UBAC2: variants seen among roughly 807,000 people sequenced by gnomAD.
UBAC2 encodes the protein ubiquitin-associated domain-containing protein 2.
In UBAC2, 26 loss-of-function variants were observed where a neutral mutation model predicts 44.0. The ratio of observed to expected loss-of-function variants is 0.59; its 90% confidence interval spans 0.43 to 0.82. The LOEUF (loss-of-function observed/expected upper bound fraction) is 0.82, where lower values mean the gene tolerates loss of function less well. Ranked by LOEUF, UBAC2 falls within the 40% of genes least tolerant of loss-of-function variation. The pLI, the probability that UBAC2 is intolerant of heterozygous loss-of-function variation, is 0.00. For synonymous variants in UBAC2, 155 were observed against 154.3 expected (o/e 1.00, Z -0.04); for missense variants, 329 against 419.4 (o/e 0.78, Z 1.88).
At chr13:99,321,516 G>A (rs2044568811) in intron 6 of UBAC2, among the ~76,000 whole-genome samples, 1 of 152,106 alleles carries the variant, frequency 6.6e-6, no homozygotes, top group Non-Finnish European at 1.5e-5. Context: ...TCACCATGTT[G>A]GCCAGGCTGG....
At chr13:99,372,559 A>G (rs958358555) in intron 8 of UBAC2, 2 of 152,324 alleles carry the variant, frequency 1.3e-5, no homozygotes, top group Non-Finnish European at 2.9e-5. Context: ...GACCGTGAGA[A>G]GCAGCCTTAG....
chr13:99,232,397 G>GATATATATATATATATATATATATAT lies in UBAC2; in HGVS notation c.32-6029_32-6028insTATATATATATATATATATATATATA, dbSNP rs768838568. On this transcript the variant is annotated intron_variant, in intron 1 of 8. Transcript: ENST00000403766. ...CAAGACCCTGTCCATCCTTAGTTGA[G>GATATATATATATATATATATATATAT]AGATATAGATATATATATATATATT... Among the ~76,000 whole-genome samples, 412 of 82,136 alleles carry GATATATATATATATATATATATATAT rather than the reference G, an allele frequency of 5.0e-3. 33 individuals carry two copies. Among genetic ancestry groups the GATATATATATATATATATATATATAT allele is most frequent in the Middle Eastern group, 0.033 (4 of 120 alleles). The allele number at this position is 82,136 out of a possible 152,430, so 53.9% of individuals were successfully genotyped here. A position where few individuals can be genotyped will look rare whatever the true frequency, so the allele number is the denominator to read the frequency against.
chr13:99,385,187 A>G (rs906893296), intron 8 of UBAC2, 41 bp from the exon 9 acceptor site: 7 of 1,456,564 alleles, frequency 4.8e-6, no homozygotes, highest in South Asian at 1.1e-5. Flanking sequence ...ATAAGCGGCA[A>G]TGTCAGCGCC....
chr13:99,350,363 G>A (rs758559274), intron 7 of UBAC2, among the ~76,000 whole-genome samples: 39 of 152,156 alleles, frequency 2.6e-4, no homozygotes, highest in Non-Finnish European at 5.1e-4. Flanking sequence ...GGTTACCAGG[G>A]GAACTAATAA....
intron 4 of UBAC2, among the ~76,000 whole-genome samples, chr13:99,272,986 A>G (rs190112518): frequency 6.8e-6 from 1 of 147,130 alleles, no homozygotes; most frequent in African/African-American, 2.5e-5. Context: ...ATTGATATCT[A>G]GTAGAACAGG....
At chr13:99,285,076 G>C (rs756838281) in intron 4 of UBAC2, among the ~76,000 whole-genome samples, 49 of 152,008 alleles carry the variant, frequency 3.2e-4, no homozygotes, top group Non-Finnish European at 8.8e-5. Flanking sequence ...TCATATTTCA[G>C]AAAGCTCTAA....
At chr13:99,201,414 G>A (rs2042796877) in intron 1 of UBAC2, 6 of 1,611,816 alleles carry the variant, frequency 3.7e-6, no homozygotes, top group South Asian at 2.2e-5. Flanking sequence ...TCACTTGGAT[G>A]TGTTTCTTCT....
Position 99,385,276 on chromosome 13 carries a change from G to T in UBAC2, c.976G>T (p.Ala326Ser). 6.2e-7 allele frequency: 1 copy of T among 1,614,154 alleles called. No individual in the cohort carries two copies. Among genetic ancestry groups the T allele is most frequent in the Non-Finnish European group, 8.5e-7 (1 of 1,180,024 alleles). ...MGFSRGDALE[A>S]LRASNNDLNV... ...ATTTTCCAGAGGTGATGCTTTGGAAGCCCTGAGAGCTTCAAACAATGACCT... is the reference window on the plus strand; with the variant it reads ...ATTTTCCAGAGGTGATGCTTTGGAATCCCTGAGAGCTTCAAACAATGACCT... The change falls in exon 9 of 9, where the codon GCC becomes TCC. Residue 326 changes from alanine (A) to serine (S), a missense_variant. Physicochemically the swap from Ala to Ser is moderately conservative, Grantham distance 99. Coordinates refer to ENST00000403766, the MANE Select transcript of UBAC2 (RefSeq NM_001144072.2).
intron 7 of UBAC2, among the ~76,000 whole-genome samples, chr13:99,344,647 G>T (rs1207343730): frequency 6.6e-6 from 1 of 152,032 alleles, no homozygotes; most frequent in Non-Finnish European, 1.5e-5. Context: ...TTTCATTTCA[G>T]GTATTCCAAA....
chr13:99,218,832 T>C (rs1468279667), intron 1 of UBAC2, among the ~76,000 whole-genome samples: 1 of 152,196 alleles, frequency 6.6e-6, no homozygotes, highest in African/African-American at 2.4e-5. Context: ...GAGGCACTCA[T>C]TCCTCCTTAA....
chr13:99,299,237 T>C (rs1282951136), intron 4 of UBAC2, among the ~76,000 whole-genome samples: 4 of 152,206 alleles, frequency 2.6e-5, no homozygotes, highest in Non-Finnish European at 5.9e-5. Context: ...ATGTTTTACA[T>C]AGTTTATAAA....
intron 4 of UBAC2, among the ~76,000 whole-genome samples, chr13:99,272,361 A>G (rs187118665): frequency 2.0e-5 from 3 of 152,256 alleles, no homozygotes; most frequent in African/African-American, 7.2e-5. Flanking sequence ...ACACTGATCA[A>G]CTCATGGCCA....
At chr13:99,228,439 G>C (rs7982483) in intron 1 of UBAC2, among the ~76,000 whole-genome samples, 145,290 of 151,600 alleles carry the variant, frequency 0.96, 69,678 homozygotes, top group Non-Finnish European at 1. Context: ...AGGCTCCCCC[G>C]CACCCCACCA....
chr13:99,211,821 G>A (rs1203860949), intron 1 of UBAC2, among the ~76,000 whole-genome samples: 1 of 152,220 alleles, frequency 6.6e-6, no homozygotes, highest in Non-Finnish European at 1.5e-5. Context: ...TCAGGTTAGT[G>A]TAGAGCTTGA....
At chr13:99,233,299 G>C (rs894433022) in intron 1 of UBAC2, among the ~76,000 whole-genome samples, 1 of 152,012 alleles carries the variant, frequency 6.6e-6, no homozygotes, top group Non-Finnish European at 1.5e-5. Context: ...TTTTAGTAGA[G>C]ACAGGGTTTC....
chr13:99,215,410 AT>A, intron 1 of UBAC2: 1 of 1,292,864 alleles, frequency 7.7e-7, no homozygotes, highest in South Asian at 1.2e-5. Context: ...CCAATCAGAG[AT>A]TTGTGGATGT....
chr13:99,273,362 T>C (rs909846905), intron 4 of UBAC2, among the ~76,000 whole-genome samples: 1 of 152,156 alleles, frequency 6.6e-6, no homozygotes, highest in Non-Finnish European at 1.5e-5. Context: ...GGATAGAGAA[T>C]CCACAGCCAC....
At chr13:99,315,030 C>G (rs985460325) in intron 5 of UBAC2, among the ~76,000 whole-genome samples, 1 of 152,202 alleles carries the variant, frequency 6.6e-6, no homozygotes, top group African/African-American at 2.4e-5. Context: ...ACTGGCGTCA[C>G]TTCAGAATGC....
chr13:99,298,162 A>G (rs1158286486), intron 4 of UBAC2, among the ~76,000 whole-genome samples: 2 of 152,196 alleles, frequency 1.3e-5, no homozygotes, highest in Admixed American at 1.3e-4. Flanking sequence ...CTAGATAGAA[A>G]AGAGATTAAA....
Sources: gnomAD v4.1 joint callset for allele counts (sites outside exome capture counted in the v4.1 genomes callset) on GRCh38, gnomAD v4.1.1 for gene constraint, MANE v1.5 for transcripts, NCBI Gene and HGNC (gene_info 2026-07-23, HGNC 2026-07-21) for gene names.